Variants in LARP1B observed in about 807,000 individuals in gnomAD.
The protein encoded by LARP1B is la-related protein 1B.
LARP1B carries 76 observed loss-of-function variants against 114.2 expected under a neutral mutation model. The ratio of observed to expected loss-of-function variants is 0.67; its 90% confidence interval spans 0.55 to 0.81. The LOEUF is 0.81. Ranked by LOEUF, LARP1B falls within the 30% of genes least tolerant of loss-of-function variation. The pLI, the probability that LARP1B is intolerant of heterozygous loss-of-function variation, is 0.00. For synonymous variants in LARP1B, 345 were observed against 348.0 expected (o/e 0.99, Z 0.10); for missense variants, 1,014 against 1,075.8 (o/e 0.94, Z 0.80).
chr4:128,065,298 T>TC lies in LARP1B; in HGVS notation c.-78+3897_-78+3898insC, dbSNP rs1491458731. ...CTTTCTTTCTTTCTTTCTTTCTTTCTTTCTTTCTTTCTTTCTTTCTCTCTC... is the reference window on the plus strand; with the variant it reads ...CTTTCTTTCTTTCTTTCTTTCTTTCTCTTCTTTCTTTCTTTCTTTCTCTCTC... On this transcript the variant is annotated intron_variant, in intron 1 of 19. Transcript: ENST00000326639. Among the ~76,000 whole-genome samples, 197 of 131,262 alleles carry TC rather than the reference T, an allele frequency of 1.5e-3. 2 individuals carry two copies. In the Middle Eastern group the frequency reaches 0.027, roughly 18 times the overall value. The allele number at this position is 131,262 out of a possible 152,430, so 86.1% of individuals were successfully genotyped here.
chr4:128,179,365 C>T (rs746262727), intron 14 of LARP1B, 41 bp from the exon 15 acceptor site: 1 of 1,273,096 alleles, frequency 7.9e-7, no homozygotes, highest in South Asian at 1.3e-5. Flanking sequence ...GAAGTTCACA[C>T]TATTGAAACT....
Position 128,211,268 on chromosome 4 carries a change from C to A in LARP1B, c.*1215C>A. 1.1e-6 allele frequency: 1 copy of A among 950,564 alleles called. No homozygotes were observed. The highest frequency in any genetic ancestry group is 1.3e-6 in the Non-Finnish European group (1 of 798,182). 58.9% of individuals were successfully genotyped at this position (950,564 alleles called of 1,614,324 possible). On this transcript the variant is annotated 3_prime_UTR_variant, in exon 20 of 20. Coordinates refer to ENST00000326639, the MANE Select transcript of LARP1B (RefSeq NM_018078.4). ...ATAAACTTACATTCACTTTATTGAG[C>A]ACTACATAATTTACAGATATTTTGT...
At chr4:128,094,146 C>T (rs12645291) in intron 7 of LARP1B, among the ~76,000 whole-genome samples, 91,406 of 151,416 alleles carry the variant, frequency 0.6, 28,426 homozygotes, top group Middle Eastern at 0.8. Context: ...AGGCTGGTCT[C>T]GAACTCCTGA....
At chr4:128,213,705 A>G (rs1759280074), downstream of LARP1B, among the ~76,000 whole-genome samples, 1 of 152,208 alleles carries the variant, frequency 6.6e-6, no homozygotes, top group Non-Finnish European at 1.5e-5. Context: ...AGGCAATGCT[A>G]AAAATGTTAT....
At chr4:128,081,017 A>T (rs1993722) in intron 4 of LARP1B, among the ~76,000 whole-genome samples, 1 of 151,334 alleles carries the variant, frequency 6.6e-6, no homozygotes, top group South Asian at 2.1e-4. Flanking sequence ...TAAATTAAAC[A>T]GATTTTTTTT....
chr4:128,201,547 G>A (rs1755941686), intron 17 of LARP1B, among the ~76,000 whole-genome samples: 2 of 152,220 alleles, frequency 1.3e-5, no homozygotes, highest in Non-Finnish European at 2.9e-5. Flanking sequence ...GGGCAACAGT[G>A]ATACTGAACT....
intron 12 of LARP1B, among the ~76,000 whole-genome samples, chr4:128,172,545 T>G (rs1205581458): frequency 6.6e-6 from 1 of 151,668 alleles, no homozygotes. Flanking sequence ...ATACAAAAAT[T>G]CGCTGGGTGT....
chr4:128,108,069 T>A, intron 9 of LARP1B: 1 of 1,435,776 alleles, frequency 7.0e-7, no homozygotes, highest in Non-Finnish European at 9.1e-7. Context: ...GGGCCAACAC[T>A]GCAGTGGAGA....
In LARP1B at chr4:128,184,426, T is replaced by C. The variant is rs1478968889; in HGVS notation, c.2003+4914T>C. ...CATTAGCATTTTTAGCAATACAGTT[T>C]TTAAAAAAATTGATACATAACAGTT... On this transcript the variant is annotated intron_variant, in intron 15 of 19. Transcript: ENST00000326639. Among the ~76,000 whole-genome samples, 8 of 152,218 alleles carry C rather than the reference T, an allele frequency of 5.3e-5. No homozygotes were observed. In the East Asian group the frequency reaches 1.5e-3, roughly 29 times the overall value.
chr4:128,158,820 C>T (rs997810059), intron 11 of LARP1B, among the ~76,000 whole-genome samples: 5 of 151,802 alleles, frequency 3.3e-5, no homozygotes, highest in South Asian at 2.1e-4. Context: ...TACTGTGTAC[C>T]GTCACTTCCC....
At chr4:128,187,076 G>GC (rs1436422540) in intron 15 of LARP1B, among the ~76,000 whole-genome samples, 4 of 152,242 alleles carry the variant, frequency 2.6e-5, no homozygotes, top group African/African-American at 9.6e-5. Context: ...TAGGGGCAGA[G>GC]CCCTCATGGA....
Position 128,211,052 on chromosome 4 carries a change from C to A in LARP1B, c.*999C>A. The A allele has an allele frequency of 1.1e-6, 1 of 904,812 alleles. No homozygotes were observed. The highest frequency in any genetic ancestry group is 1.3e-6 in the Non-Finnish European group (1 of 757,058). The allele number at this position is 904,812 out of a possible 1,614,324, so 56.0% of individuals were successfully genotyped here. On this transcript the variant is annotated 3_prime_UTR_variant, in exon 20 of 20. Transcript: ENST00000326639. Reference sequence around the variant, plus strand: ...TTCAAGAGTTATAGCAAATTGATTTCTAATTTTTATTGCTATTACAACTGA... The same window carrying A: ...TTCAAGAGTTATAGCAAATTGATTTATAATTTTTATTGCTATTACAACTGA...
chr4:128,182,630 A>G (rs909318979), intron 15 of LARP1B, among the ~76,000 whole-genome samples: 4 of 152,180 alleles, frequency 2.6e-5, no homozygotes, highest in African/African-American at 9.7e-5. Context: ...AGACCAACTA[A>G]TAACCCTACA....
At chr4:128,065,330 TC>T (rs1466878857) in intron 1 of LARP1B, among the ~76,000 whole-genome samples, 11,038 of 97,484 alleles carry the variant, frequency 0.11, 1,099 homozygotes, top group Middle Eastern at 0.17. Context: ...TCTCTCTCTC[TC>T]TTTCCTTTCT....
At chr4:128,082,021 C>A in intron 4 of LARP1B, 144 bp from the exon 5 acceptor site, 3 of 782,086 alleles carry the variant, frequency 3.8e-6, no homozygotes, top group South Asian at 1.9e-5. Context: ...CAGGCATGAG[C>A]CACCGTGTCT....
chr4:128,171,344 G>A (rs955514965), intron 12 of LARP1B, among the ~76,000 whole-genome samples: 1 of 152,038 alleles, frequency 6.6e-6, no homozygotes, highest in Non-Finnish European at 1.5e-5. Context: ...GACCAGATTG[G>A]TCTAGTACTG....
chr4:128,149,043 T>C (rs576785784), intron 11 of LARP1B, among the ~76,000 whole-genome samples: 2 of 152,368 alleles, frequency 1.3e-5, no homozygotes, highest in African/African-American at 4.8e-5. Flanking sequence ...CACTTTTCAG[T>C]GGTCAGGACA....
At chr4:128,184,978 G>A (rs1749805563) in intron 15 of LARP1B, among the ~76,000 whole-genome samples, 1 of 152,010 alleles carries the variant, frequency 6.6e-6, no homozygotes, top group Non-Finnish European at 1.5e-5. Context: ...GCCTATGTAT[G>A]TATGTGCATA....
In LARP1B at chr4:128,065,099, AT is replaced by A. The variant is rs759609291; in HGVS notation, c.-78+3701del. ...TAGTTGTATGGTATGGTTCATGGAA[AT>A]TTCAGTTTTGCTGTTGTCTTGTGTA... On this transcript the variant is annotated intron_variant, in intron 1 of 19. Transcript: ENST00000326639. Among the ~76,000 whole-genome samples, 179 of 152,088 alleles carry A rather than the reference AT, an allele frequency of 1.2e-3. 2 individuals are homozygous for A. The highest frequency in any genetic ancestry group is 1.8e-3 in the Admixed American group (28 of 15,260).
Sources: gnomAD v4.1 joint callset for allele counts (sites outside exome capture counted in the v4.1 genomes callset) on GRCh38, gnomAD v4.1.1 for gene constraint, MANE v1.5 for transcripts, NCBI Gene and HGNC (gene_info 2026-07-23, HGNC 2026-07-21) for gene names.